The following ARPP19 variants were observed in gnomAD, a reference collection of about 807,000 sequenced individuals.
ARPP19 encodes the protein cAMP regulated phosphoprotein 19, also known as cAMP-regulated phosphoprotein 19.
A neutral mutation model predicts 12.0 loss-of-function variants in ARPP19; 8 were observed. The observed-to-expected ratio is 0.67, with a 90% confidence interval of 0.39 to 1.21. ARPP19 has a LOEUF of 1.21. Ranked by LOEUF, ARPP19 falls within the 50% of genes most tolerant of loss-of-function variation. The pLI is 0.01. For missense variants in ARPP19, 102 were observed against 136.3 expected, an observed-to-expected ratio of 0.75 and a Z score of 1.25; for synonymous variants, 47 against 50.4, an observed-to-expected ratio of 0.93 and a Z score of 0.29.
intron 2 of ARPP19, among the ~76,000 whole-genome samples, chr15:52,556,650 T>A (rs1188098614): frequency 6.6e-6 from 1 of 152,060 alleles, no homozygotes; most frequent in Non-Finnish European, 1.5e-5. Context: ...CTGCAAAAAA[T>A]ATGGAAGTTT....
chr15:52,547,115 C>CAAAAAAAAAAAAA lies in ARPP19; in HGVS notation c.*4818_*4819insTTTTTTTTTTTTT, dbSNP rs2077883863. The CAAAAAAAAAAAAA allele has an allele frequency of 9.2e-6, 1 of 109,014 alleles. No homozygotes were observed. 6.8% of individuals were successfully genotyped at this position (109,014 alleles called of 1,614,324 possible). ...ACAAATGCAAAAAAAAAAAAAAAAT[C>CAAAAAAAAAAAAA]AAAGATTACAAGTCAGTTTCTTCCT... On this transcript the variant is annotated 3_prime_UTR_variant, in exon 3 of 3. Transcript: ENST00000249822.
At chr15:52,556,425 T>C (rs1413831198) in intron 2 of ARPP19, among the ~76,000 whole-genome samples, 1 of 152,122 alleles carries the variant, frequency 6.6e-6, no homozygotes, top group East Asian at 1.9e-4. Flanking sequence ...TCAATCTCAT[T>C]ATTGAGAAAT....
chr15:52,553,983 C>A (rs547405621), intron 2 of ARPP19, among the ~76,000 whole-genome samples: 23 of 152,344 alleles, frequency 1.5e-4, no homozygotes, highest in African/African-American at 5.3e-4. Flanking sequence ...AAGCTTTCTG[C>A]AGCTTCACTT....
chr15:52,566,525 C>G (rs982693698), intron 1 of ARPP19, among the ~76,000 whole-genome samples: 4 of 152,048 alleles, frequency 2.6e-5, no homozygotes, highest in African/African-American at 9.7e-5. Flanking sequence ...CTCAAGTGAT[C>G]CTCCCACCTC....
At chr15:52,565,534 C>T (rs1178023985) in intron 1 of ARPP19, among the ~76,000 whole-genome samples, 19 of 152,220 alleles carry the variant, frequency 1.2e-4, no homozygotes, top group Admixed American at 1.2e-3. Context: ...TATGTGGGTT[C>T]TGCATCTGAG....
rs563198816 is a variant in ARPP19 at position 52,556,720 on chromosome 15, A to G, written c.168+380T>C. Among the ~76,000 whole-genome samples the G allele has an allele frequency of 2.0e-5, 3 of 152,246 alleles. No homozygotes were observed. The East Asian group carries it at 5.8e-4, about 29-fold the overall frequency. ...GGATAGTGGCTGCTTTTGGAGAGAT[A>G]AGGGAAAGGGCTCATATTTACATAT... On this transcript the variant is annotated intron_variant, in intron 2 of 2. Transcript: ENST00000249822.
At chr15:52,566,198 G>C (rs915064087) in intron 1 of ARPP19, among the ~76,000 whole-genome samples, 20 of 151,946 alleles carry the variant, frequency 1.3e-4, no homozygotes, top group African/African-American at 4.8e-4. Context: ...TTGTTCTGTT[G>C]CCCAGGCAGG....
rs1324457289 is a variant in ARPP19, at chr15:52,569,014, G to A, written c.-122C>T. 2.6e-5 allele frequency: 18 copies of A among 686,868 alleles called. No homozygotes were observed. The highest frequency in any genetic ancestry group is 2.5e-4 in the Admixed American group (7 of 27,718). The allele number at this position is 686,868 out of a possible 1,614,324, so 42.5% of individuals were successfully genotyped here. On this transcript the variant is annotated 5_prime_UTR_variant, in exon 1 of 3. Transcript: ENST00000249822. ...CCGGGCCGCCTCCGCCCGCGAAAAT[G>A]GCCGCCGCCTTATGACGACACGGAG...
chr15:52,555,291 T>C (rs1045822115), intron 2 of ARPP19, among the ~76,000 whole-genome samples: 1 of 152,044 alleles, frequency 6.6e-6, no homozygotes, highest in Non-Finnish European at 1.5e-5. Context: ...ACAGTGACAA[T>C]TGGCCCAATG....
intron 1 of ARPP19, among the ~76,000 whole-genome samples, chr15:52,565,748 A>T (rs997929485): frequency 2.0e-5 from 3 of 152,230 alleles, no homozygotes; most frequent in Non-Finnish European, 4.4e-5. Context: ...ACTTTTAACA[A>T]TTGCTGCCAT....
upstream of ARPP19, chr15:52,569,215 G>A (rs1056023449): frequency 1.1e-5 from 4 of 373,936 alleles, no homozygotes; most frequent in African/African-American, 6.6e-5. Context: ...TGGCTGCCGA[G>A]TGCTTCCTGG....
rs2077884201 is a variant in ARPP19, at chr15:52,547,135, C to T, written c.*4799G>A. The T allele has an allele frequency of 1.4e-5, 2 of 147,978 alleles. No homozygotes were observed. The highest frequency in any genetic ancestry group is 3.0e-5 in the Non-Finnish European group (2 of 67,212). 9.2% of individuals were successfully genotyped at this position (147,978 alleles called of 1,614,324 possible). On this transcript the variant is annotated 3_prime_UTR_variant, in exon 3 of 3. Transcript: ENST00000249822. The stretch of plus-strand genomic sequence containing the variant: ...AAAATCAAAGATTACAAGTCAGTTT[C>T]TTCCTGCATACAGTAATAGCTGAAA...
rs765932557 is a variant in ARPP19, at chr15:52,551,915, A to C, written c.*19T>G. ...AGAAATAATGAGATTTAGCAGATTC[A>C]TGCAGTTCAGCCTCTTAATCAGCCA... On this transcript the variant is annotated 3_prime_UTR_variant, in exon 3 of 3. Transcript: ENST00000249822. 24 of 1,582,330 alleles carry C rather than the reference A, an allele frequency of 1.5e-5. No individual in the cohort carries two copies. The South Asian group carries it at 2.4e-4, about 16-fold the overall frequency.
chr15:52,552,778 C>T (rs1259684150), intron 2 of ARPP19, among the ~76,000 whole-genome samples: 2 of 151,940 alleles, frequency 1.3e-5, no homozygotes, highest in Non-Finnish European at 2.9e-5. Flanking sequence ...ATAAATAAAA[C>T]ACATAATTTG....
In ARPP19 at chr15:52,553,539, G is replaced by C. The variant is rs182311940; in HGVS notation, c.169-1435C>G. 1.1e-3 allele frequency among the ~76,000 whole-genome samples: 175 copies of C among 152,290 alleles called. 1 individual carries two copies. The highest frequency in any genetic ancestry group is 9.0e-3 in the Admixed American group (137 of 15,290). On this transcript the variant is annotated intron_variant, in intron 2 of 2. Coordinates refer to ENST00000249822, the MANE Select transcript of ARPP19 (RefSeq NM_006628.6). The stretch of plus-strand genomic sequence containing the variant: ...AGGCACTATGTGAGAGCTGGAGTCA[G>C]ATACAAAGATGGGACAATAGTCAAG...
rs565359765 is a variant in ARPP19, at chr15:52,568,960, G to A, written c.-68C>T. On this transcript the variant is annotated 5_prime_UTR_variant, in exon 1 of 3. Transcript: ENST00000249822. The stretch of plus-strand genomic sequence containing the variant: ...AGCGGGTGGCCGAGGCCACCCGGCC[G>A]CCGCCCGTCCCAGCTCTCCCAGGGC... The A allele has an allele frequency of 9.3e-6, 11 of 1,178,300 alleles. No homozygotes were observed. In the South Asian group the frequency reaches 9.5e-5, roughly 10 times the overall value. 73.0% of individuals were successfully genotyped at this position (1,178,300 alleles called of 1,614,324 possible).
intron 2 of ARPP19, among the ~76,000 whole-genome samples, chr15:52,555,566 TTA>T (rs2077974331): frequency 6.6e-6 from 1 of 152,040 alleles, no homozygotes; most frequent in African/African-American, 2.4e-5. Context: ...CTGCTACTAA[TTA>T]TAGTTATAAG....
intron 1 of ARPP19, among the ~76,000 whole-genome samples, chr15:52,561,179 C>T (rs1339486992): frequency 2.0e-5 from 3 of 151,046 alleles, no homozygotes; most frequent in Non-Finnish European, 4.5e-5. Context: ...TTTGATGTGA[C>T]TCCACGTTTC....
chr15:52,569,389 G>A, upstream of ARPP19: 1 of 199,160 alleles, frequency 5.0e-6, no homozygotes, highest in Non-Finnish European at 1.0e-5. Flanking sequence ...TTTTGGGCAC[G>A]CCAAAAGTCT....
Sources: gnomAD v4.1 joint callset for allele counts (sites outside exome capture counted in the v4.1 genomes callset) on GRCh38, gnomAD v4.1.1 for gene constraint, MANE v1.5 for transcripts, NCBI Gene and HGNC (gene_info 2026-07-23, HGNC 2026-07-21) for gene names.